Variants in CYREN observed in about 807,000 individuals in gnomAD.
CYREN encodes the protein cell cycle regulator of non-homologous end joining.
CYREN carries 7 observed loss-of-function variants against 9.7 expected under a neutral mutation model. The observed-to-expected ratio is 0.72, with a 90% CI of 0.41 to 1.36. CYREN has a LOEUF of 1.36. Among genes scored for constraint, CYREN ranks in the 40% most tolerant of loss-of-function variants. The pLI is 0.01. For missense variants in CYREN, 215 were observed against 198.1 expected, an observed-to-expected ratio of 1.09 and a Z score of -0.51; for synonymous variants, 76 against 77.9, an observed-to-expected ratio of 0.98 and a Z score of 0.13.
In CYREN at chr7:135,134,571, A is replaced by C. The variant is rs555792528; in HGVS notation, n.356+34178T>G. Among the ~76,000 whole-genome samples the C allele has an allele frequency of 2.0e-5, 3 of 152,214 alleles. No individual in the cohort carries two copies. In the South Asian group the frequency reaches 6.2e-4, roughly 32 times the overall value. On this transcript the variant is annotated intron_variant and non_coding_transcript_variant, in intron 2 of 2. Transcript: ENST00000459937. ...ATATATAGGTAAGGAGCTGGGGCCC[A>C]GAGTGGCTATTATATTAGGAAGGCT... is the stretch of plus-strand genomic sequence containing the variant.
At chr7:135,168,464 T>G in intron 2 of CYREN, 1 of 409,546 alleles carries the variant, frequency 2.4e-6, no homozygotes, top group Non-Finnish European at 4.4e-6. Context: ...CATCTGATGT[T>G]ACCATGTTTG....
Position 135,135,324 on chromosome 7 carries a change from G to A in CYREN, n.356+33425C>T, listed in dbSNP as rs1417189798. 4.5e-6 allele frequency: 6 copies of A among 1,330,538 alleles called. No individual in the cohort carries two copies. The South Asian group carries it at 1.2e-4, about 27-fold the overall frequency. 82.4% of individuals were successfully genotyped at this position (1,330,538 alleles called of 1,614,324 possible). A position where few individuals can be genotyped will look rare whatever the true frequency, so the allele number is the denominator to read the frequency against. ...ATAACATATGCTTATGTAGTAAAAA[G>A]AAAAAAAGGAAAGCCCTCCCCTTCC... On this transcript the variant is annotated intron_variant and non_coding_transcript_variant, in intron 2 of 2. Transcript: ENST00000459937.
chr7:135,107,947 C>T (rs1824998646), intron 2 of CYREN, among the ~76,000 whole-genome samples: 1 of 151,924 alleles, frequency 6.6e-6, no homozygotes, highest in Non-Finnish European at 1.5e-5. Context: ...TTGAATTGAG[C>T]CCTGATTACC....
At chr7:135,114,781 G>C (rs1449548475) in intron 2 of CYREN, among the ~76,000 whole-genome samples, 1 of 152,050 alleles carries the variant, frequency 6.6e-6, no homozygotes, top group Admixed American at 6.6e-5. Context: ...TTCTCAACTT[G>C]ACAACCAGCA....
upstream of CYREN, among the ~76,000 whole-genome samples, chr7:135,171,032 C>A (rs577566045): frequency 6.6e-6 from 1 of 152,232 alleles, no homozygotes; most frequent in Non-Finnish European, 1.5e-5. Context: ...CGGGAATTCC[C>A]TCAGAAACCA....
At chr7:135,100,833 T>C (rs544822595) in intron 2 of CYREN, among the ~76,000 whole-genome samples, 1 of 152,360 alleles carries the variant, frequency 6.6e-6, no homozygotes, top group African/African-American at 2.4e-5. Flanking sequence ...CACCCACCTC[T>C]GCCCCTTACT....
Position 135,170,685 on chromosome 7 carries a change from C to A in CYREN, c.-172G>T, listed in dbSNP as rs1222476255. The A allele has an allele frequency of 6.6e-6, 1 of 152,432 alleles. No individual in the cohort carries two copies. The highest frequency in any genetic ancestry group is 2.4e-5 in the African/African-American group (1 of 41,474). The allele number at this position is 152,432 out of a possible 1,614,324, so 9.4% of individuals were successfully genotyped here. On this transcript the variant is annotated 5_prime_UTR_variant, in exon 1 of 4. Transcript: ENST00000393114. ...TTAAGCCCTGCCGTCTCGCCTGGCGCCCAAACTCTGCGGACCTCCACTGGC... is the reference window on the plus strand; with the variant it reads ...TTAAGCCCTGCCGTCTCGCCTGGCGACCAAACTCTGCGGACCTCCACTGGC...
At chr7:135,164,492 C>G (rs752559433), downstream of CYREN, 1 of 1,611,644 alleles carries the variant, frequency 6.2e-7, no homozygotes, top group Non-Finnish European at 8.5e-7. Context: ...TCATGAGCAT[C>G]ATAGTCCTCG....
intron 2 of CYREN, among the ~76,000 whole-genome samples, chr7:135,155,076 C>T (rs1054223241): frequency 1.3e-5 from 2 of 152,208 alleles, no homozygotes; most frequent in African/African-American, 4.8e-5. Context: ...ATCCCTACAT[C>T]ATTATACAAT....
At chr7:135,099,849 C>T (rs2117012583) in intron 2 of CYREN, 1 of 134,890 alleles carries the variant, frequency 7.4e-6, no homozygotes, top group Non-Finnish European at 1.6e-5. Flanking sequence ...ATATTTATTT[C>T]TGTGCATTTA....
chr7:135,094,501 G>A (rs1174367452), exon 3 of CYREN: 1 of 456,528 alleles, frequency 2.2e-6, no homozygotes, highest in Non-Finnish European at 4.4e-6. Context: ...CCATAGTCTT[G>A]TCTGGAGCTT....
intron 2 of CYREN, among the ~76,000 whole-genome samples, chr7:135,104,603 T>G (rs1437678346): frequency 6.6e-6 from 1 of 152,220 alleles, no homozygotes; most frequent in Admixed American, 6.5e-5. Context: ...ATTTTTTGAC[T>G]TTTTAATAAT....
At chr7:135,140,078 G>GT (rs36062417) in intron 2 of CYREN, among the ~76,000 whole-genome samples, 67 of 150,760 alleles carry the variant, frequency 4.4e-4, no homozygotes, top group African/African-American at 1.2e-3. Flanking sequence ...TTTTAGAATA[G>GT]TTTTTTTTTT....
downstream of CYREN, chr7:135,164,848 C>A: frequency 6.2e-7 from 1 of 1,613,976 alleles, no homozygotes; most frequent in Non-Finnish European, 8.5e-7. Context: ...CTCTTCCTCT[C>A]CTATGTGTGG....
At chr7:135,160,953 G>C (rs926124916), downstream of CYREN, among the ~76,000 whole-genome samples, 2 of 152,170 alleles carry the variant, frequency 1.3e-5, no homozygotes, top group Non-Finnish European at 2.9e-5. Context: ...GGTGGCTGAG[G>C]ATGGGCAGAT....
intron 2 of CYREN, among the ~76,000 whole-genome samples, chr7:135,113,234 C>T (rs957562372): frequency 6.6e-6 from 1 of 151,946 alleles, no homozygotes; most frequent in Non-Finnish European, 1.5e-5. Flanking sequence ...TTTTTATTTT[C>T]CTTTTAAGAA....
chr7:135,167,050 C>G (rs569313975), intron 3 of CYREN, 179 bp from the exon 4 acceptor site: 18 of 985,090 alleles, frequency 1.8e-5, no homozygotes, highest in Non-Finnish European at 2.2e-5. Context: ...CCCTGACCCC[C>G]TCTTCACAGC....
At chr7:135,146,851 G>GT (rs1447201595) in intron 2 of CYREN, among the ~76,000 whole-genome samples, 1 of 152,152 alleles carries the variant, frequency 6.6e-6, no homozygotes, top group African/African-American at 2.4e-5. Context: ...GCCGATTTTC[G>GT]TAAGTTTTGA....
Position 135,151,002 on chromosome 7 carries a change from A to G in CYREN, n.356+17747T>C, listed in dbSNP as rs1327065961. Reference sequence around the variant, plus strand: ...TAGTCAACAAAACAATTGCACAAATAGCAAGTTAATATTAATGGAACCATT... The same window carrying G: ...TAGTCAACAAAACAATTGCACAAATGGCAAGTTAATATTAATGGAACCATT... On this transcript the variant is annotated intron_variant and non_coding_transcript_variant, in intron 2 of 2. Transcript: ENST00000459937. The surrounding 1 kb of genome is among the most constrained non-coding windows in gnomAD (Gnocchi z 4.3). Among the ~76,000 whole-genome samples the G allele has an allele frequency of 6.6e-6, 1 of 152,260 alleles. No individual in the cohort carries two copies. The highest frequency in any genetic ancestry group is 1.5e-5 in the Non-Finnish European group (1 of 68,048).
Sources: gnomAD v4.1 joint callset for allele counts (sites outside exome capture counted in the v4.1 genomes callset) on GRCh38, gnomAD v4.1.1 for gene constraint, Gnocchi (gnomAD v3.1) non-coding constraint, MANE v1.5 for transcripts, NCBI Gene and HGNC (gene_info 2026-07-23, HGNC 2026-07-21) for gene names.